Variants in AGBL1 observed in about 807,000 individuals in gnomAD.
AGBL1 encodes the protein AGBL carboxypeptidase 1.
Under a neutral mutation model 118.9 loss-of-function variants are expected in AGBL1, and 130 were observed. That is an observed-to-expected ratio of 1.09 (90% CI 0.95 to 1.26). The LOEUF (loss-of-function observed/expected upper bound fraction) is 1.26. Ranked by LOEUF, AGBL1 falls within the 50% of genes most tolerant of loss-of-function variation. AGBL1 has a pLI of 0.00. For synonymous variants in AGBL1, 555 were observed against 478.9 expected (o/e 1.16, Z -2.08); for missense variants, 1,584 against 1,298.1 (o/e 1.22, Z -3.38).
At chr15:86,296,650 A>G (rs987609115) in intron 17 of AGBL1, 4 of 152,170 alleles carry the variant, frequency 2.6e-5, no homozygotes, top group Admixed American at 1.3e-4. Flanking sequence ...CAAATCAACA[A>G]CCGATTAACC....
chr15:86,930,453 G>A (rs779237720), intron 23 of AGBL1, among the ~76,000 whole-genome samples: 2 of 152,028 alleles, frequency 1.3e-5, no homozygotes, highest in Non-Finnish European at 2.9e-5. Context: ...GCACTGCTTC[G>A]GGAGATCTGT....
At chr15:86,560,949 T>C (rs572844958) in intron 21 of AGBL1, among the ~76,000 whole-genome samples, 1 of 152,168 alleles carries the variant, frequency 6.6e-6, no homozygotes, top group Admixed American at 6.5e-5. Flanking sequence ...TTTTGAGAAG[T>C]GTCTGTTCAT....
intron 18 of AGBL1, among the ~76,000 whole-genome samples, chr15:86,410,058 T>C (rs959408396): frequency 2.8e-4 from 42 of 152,178 alleles, no homozygotes; most frequent in African/African-American, 9.9e-4. Context: ...GGGTATAATA[T>C]AGATAAGTTA....
chr15:86,506,313 C>T (rs192475443), intron 18 of AGBL1, among the ~76,000 whole-genome samples: 1 of 152,140 alleles, frequency 6.6e-6, no homozygotes, highest in African/African-American at 2.4e-5. Context: ...TTCAAAATCT[C>T]CCTGTGGACA....
intron 5 of AGBL1, among the ~76,000 whole-genome samples, chr15:86,181,919 A>G (rs1232515271): frequency 6.6e-6 from 1 of 152,090 alleles, no homozygotes. Flanking sequence ...AGGCAAATGC[A>G]TTATAACTAA....
intron 18 of AGBL1, among the ~76,000 whole-genome samples, chr15:86,506,263 C>T (rs188271290): frequency 1.3e-5 from 2 of 152,122 alleles, no homozygotes; most frequent in East Asian, 1.9e-4. Flanking sequence ...AGTGTACATA[C>T]AACCCTATGC....
chr15:86,438,774 G>T (rs576921445), intron 18 of AGBL1, among the ~76,000 whole-genome samples: 9 of 149,908 alleles, frequency 6.0e-5, no homozygotes, highest in African/African-American at 2.2e-4. Flanking sequence ...CAATTCTCCT[G>T]CTTCAGCCTC....
chr15:86,886,691 A>T (rs2141545644), intron 22 of AGBL1, among the ~76,000 whole-genome samples: 2 of 152,270 alleles, frequency 1.3e-5, no homozygotes, highest in Middle Eastern at 6.8e-3. Context: ...AGGAGGTAAC[A>T]TTGGGTTTAT....
intron 24 of AGBL1, among the ~76,000 whole-genome samples, chr15:86,999,984 T>C (rs1410142372): frequency 2.9e-5 from 3 of 102,776 alleles, no homozygotes; most frequent in Non-Finnish European, 4.4e-5. Flanking sequence ...CCAGTGATGA[T>C]GAGCATTTTT....
chr15:86,089,277 A>G (rs902245625), intron 1 of AGBL1, among the ~76,000 whole-genome samples: 1 of 152,220 alleles, frequency 6.6e-6, no homozygotes, highest in African/African-American at 2.4e-5. Flanking sequence ...ATTTGAAGTT[A>G]GTTCTATGGG....
rs796688023 is a variant in AGBL1, at chr15:86,191,369, A to G, written c.488+32343A>G. Among the ~76,000 whole-genome samples, 49 of 145,146 alleles carry G rather than the reference A, an allele frequency of 3.4e-4. 1 individual carries two copies. The South Asian group carries it at 7.1e-3, about 21-fold the overall frequency. Reference sequence around the variant, plus strand: ...GTCTCAAAAAAAAAAAAAAAAAAAAAAGAGAGAGAGAGAAATTAAGAGCAC... The same window carrying G: ...GTCTCAAAAAAAAAAAAAAAAAAAAGAGAGAGAGAGAGAAATTAAGAGCAC... On this transcript the variant is annotated intron_variant, in intron 5 of 22. Transcript: ENST00000614907.
At chr15:86,332,642 T>C in intron 17 of AGBL1, among the ~76,000 whole-genome samples, 1 of 71,704 alleles carries the variant, frequency 1.4e-5, no homozygotes, top group African/African-American at 5.6e-5. Context: ...TGAGACTCCA[T>C]CTCAAAAAAA....
At chr15:86,599,829 G>C (rs2084467026) in intron 21 of AGBL1, among the ~76,000 whole-genome samples, 1 of 151,982 alleles carries the variant, frequency 6.6e-6, no homozygotes, top group Non-Finnish European at 1.5e-5. Context: ...GATCCAATTG[G>C]TTAATAACAA....
downstream of AGBL1, among the ~76,000 whole-genome samples, chr15:86,916,738 A>G (rs2080429256): frequency 6.6e-6 from 1 of 152,170 alleles, no homozygotes; most frequent in Non-Finnish European, 1.5e-5. Flanking sequence ...TCTAATATTC[A>G]TGAACATGAA....
chr15:86,791,006 T>C (rs937065517), intron 22 of AGBL1, among the ~76,000 whole-genome samples: 1 of 152,180 alleles, frequency 6.6e-6, no homozygotes, highest in Non-Finnish European at 1.5e-5. Context: ...TTGTCAGAAT[T>C]TTCAGAACTG....
rs2084655365 is a variant in AGBL1, at chr15:86,611,610, A to T, written c.2994+57073A>T. On this transcript the variant is annotated intron_variant, in intron 21 of 22. Transcript: ENST00000614907. ...GCATCCTGTTGCAATTTACAACAGG[A>T]TGTGGAAATCTTTGCTGATTTATTG... Among the ~76,000 whole-genome samples the T allele has an allele frequency of 2.0e-5, 3 of 152,170 alleles. No individual in the cohort carries two copies. The South Asian group carries it at 6.2e-4, about 32-fold the overall frequency.
chr15:86,573,659 T>G (rs1219421049), intron 21 of AGBL1, among the ~76,000 whole-genome samples: 1 of 152,124 alleles, frequency 6.6e-6, no homozygotes, highest in African/African-American at 2.4e-5. Context: ...TGGATCTGAG[T>G]CCACTGGAGT....
At chr15:86,972,982 G>A (rs536473219) in intron 23 of AGBL1, among the ~76,000 whole-genome samples, 2 of 151,976 alleles carry the variant, frequency 1.3e-5, no homozygotes, top group African/African-American at 4.8e-5. Flanking sequence ...CGGTGGTTAA[G>A]AACAAAGAAT....
intron 16 of AGBL1, among the ~76,000 whole-genome samples, chr15:86,283,187 A>C (rs889635056): frequency 6.6e-6 from 1 of 152,192 alleles, no homozygotes; most frequent in Non-Finnish European, 1.5e-5. Flanking sequence ...TGTTAGCAAT[A>C]ATCGTTACAG....
Sources: allele counts gnomAD v4.1 joint callset (sites outside exome capture counted in the v4.1 genomes callset), GRCh38; gene constraint gnomAD v4.1.1; transcripts MANE v1.5; gene names NCBI Gene and HGNC (gene_info 2026-07-23, HGNC 2026-07-21).